The following SPATA1 variants were observed in gnomAD, a reference collection of about 807,000 sequenced individuals.
The protein encoded by SPATA1 is spermatogenesis associated 1.
SPATA1 carries 57 observed loss-of-function variants against 59.6 expected under a neutral mutation model. The ratio of observed to expected loss-of-function variants is 0.96; its 90% CI spans 0.77 to 1.19. The LOEUF (loss-of-function observed/expected upper bound fraction) is 1.19. SPATA1 is among the 50% of genes most tolerant of loss of function. The pLI, the probability that SPATA1 is intolerant of heterozygous loss-of-function variation, is 0.00. For missense variants in SPATA1, 448 were observed against 480.7 expected (o/e 0.93, Z 0.64); for synonymous variants, 147 against 163.9 (o/e 0.90, Z 0.79).
intron 8 of SPATA1, among the ~76,000 whole-genome samples, chr1:84,535,515 G>T (rs1160105925): frequency 6.6e-6 from 1 of 152,028 alleles, no homozygotes; most frequent in Non-Finnish European, 1.5e-5. Context: ...TCTTTCAGCA[G>T]TGTCTGTGGT....
chr1:84,552,603 C>G (rs572294248), intron 12 of SPATA1: 2 of 152,888 alleles, frequency 1.3e-5, no homozygotes, highest in East Asian at 3.8e-4. Context: ...GTGCTTGCCA[C>G]AGAGTAAACA....
At chr1:84,516,263 A>T in exon 2 of SPATA1, 1 of 1,117,854 alleles carries the variant, frequency 8.9e-7, no homozygotes, top group Non-Finnish European at 1.2e-6. Flanking sequence ...GCCAAAAAAA[A>T]CTATTATAAT....
At chr1:84,523,367 A>C (rs1683101368) in intron 4 of SPATA1, among the ~76,000 whole-genome samples, 1 of 152,158 alleles carries the variant, frequency 6.6e-6, no homozygotes, top group African/African-American at 2.4e-5. Context: ...TTATTTCCTT[A>C]ATCAAGATTT....
exon 13 of SPATA1, chr1:84,553,613 A>G (rs1480043801): frequency 6.6e-6 from 1 of 152,220 alleles, no homozygotes; most frequent in African/African-American, 2.4e-5. Context: ...TAAGCATCTA[A>G]GAATTTAAAT....
chr1:84,510,823 G>A (rs544101937), intron 1 of SPATA1, among the ~76,000 whole-genome samples: 5 of 152,242 alleles, frequency 3.3e-5, no homozygotes, highest in Admixed American at 2.6e-4. Flanking sequence ...ATGGAGTACC[G>A]TTCCGCCATA....
chr1:84,507,629 G>C (rs960203626), intron 1 of SPATA1, among the ~76,000 whole-genome samples: 3 of 152,184 alleles, frequency 2.0e-5, no homozygotes, highest in Non-Finnish European at 4.4e-5. Flanking sequence ...TTTGTTGACT[G>C]TATAATGCTA....
intron 2 of SPATA1, among the ~76,000 whole-genome samples, chr1:84,519,096 A>AT (rs35325799): frequency 1.3e-5 from 2 of 152,140 alleles, no homozygotes; most frequent in African/African-American, 2.4e-5. Flanking sequence ...CTACCAAAAA[A>AT]TTTTTTTAGT....
At chr1:84,547,934 G>A (rs1467775990) in intron 10 of SPATA1, among the ~76,000 whole-genome samples, 1 of 152,152 alleles carries the variant, frequency 6.6e-6, no homozygotes, top group Non-Finnish European at 1.5e-5. Context: ...CTGTACAGGG[G>A]CAAGAATGAA....
intron 4 of SPATA1, chr1:84,563,898 A>G: frequency 6.6e-7 from 1 of 1,511,816 alleles, no homozygotes; most frequent in Non-Finnish European, 8.9e-7. Flanking sequence ...CATACAAGCT[A>G]TGCAACCGTT....
intron 4 of SPATA1, among the ~76,000 whole-genome samples, chr1:84,564,969 G>A (rs944067722): frequency 1.4e-4 from 22 of 152,086 alleles, no homozygotes; most frequent in African/African-American, 3.6e-4. Flanking sequence ...AGCCCAGGAG[G>A]TCGAGGTTAC....
At chr1:84,544,918 A>AAT in intron 9 of SPATA1, among the ~76,000 whole-genome samples, 2 of 151,750 alleles carry the variant, frequency 1.3e-5, no homozygotes, top group South Asian at 4.2e-4. Flanking sequence ...TTCATTTTAA[A>AAT]ATATATATTC....
intron 1 of SPATA1, among the ~76,000 whole-genome samples, chr1:84,514,136 C>T (rs1035879292): frequency 1.3e-5 from 2 of 152,132 alleles, no homozygotes; most frequent in Non-Finnish European, 1.5e-5. Flanking sequence ...CAAGCCACCA[C>T]GCCCGGCTCT....
exon 11 of SPATA1, chr1:84,548,848 G>A (rs1006694985): frequency 1.3e-6 from 2 of 1,543,366 alleles, no homozygotes; most frequent in Non-Finnish European, 1.7e-6. Flanking sequence ...AATGGAGGAG[G>A]TTTTAACAAA....
chr1:84,529,782 G>A (rs1012755889), intron 6 of SPATA1, among the ~76,000 whole-genome samples: 2 of 151,562 alleles, frequency 1.3e-5, no homozygotes, highest in Non-Finnish European at 2.9e-5. Context: ...CTGACCTCAG[G>A]TGATCCACCC....
chr1:84,560,961 TGAA>T (rs1347273429), intron 4 of SPATA1, among the ~76,000 whole-genome samples: 1 of 152,228 alleles, frequency 6.6e-6, no homozygotes, highest in East Asian at 1.9e-4. Context: ...GAACACAAGA[TGAA>T]TGTTATTTTC....
At chr1:84,511,962 G>A (rs962510455) in intron 1 of SPATA1, among the ~76,000 whole-genome samples, 2 of 152,094 alleles carry the variant, frequency 1.3e-5, no homozygotes, top group Admixed American at 1.3e-4. Flanking sequence ...GATTATAGGC[G>A]TGAGCCACCG....
At chr1:84,545,729 T>A (rs763569369) in exon 10 of SPATA1, 1 of 1,530,602 alleles carries the variant, frequency 6.5e-7, no homozygotes, top group Non-Finnish European at 8.7e-7. Flanking sequence ...TGAAAAGCTA[T>A]TTGAACAAAG....
At chr1:84,553,272 C>A in exon 13 of SPATA1, 1 of 485,976 alleles carries the variant, frequency 2.1e-6, no homozygotes, top group Non-Finnish European at 3.7e-6. Context: ...CAAAATGTTT[C>A]AGGAAATATT....
At chr1:84,531,570 CTTTTTT>C (rs11344822) in intron 6 of SPATA1, among the ~76,000 whole-genome samples, 1 of 105,238 alleles carries the variant, frequency 9.5e-6, no homozygotes. Context: ...TTTGGCAAGT[CTTTTTT>C]TTTTTTTTTT....
Sources: gnomAD v4.1 joint callset for allele counts (sites outside exome capture counted in the v4.1 genomes callset) on GRCh38, gnomAD v4.1.1 for gene constraint, MANE v1.5 for transcripts, NCBI Gene and HGNC (gene_info 2026-07-23, HGNC 2026-07-21) for gene names.